MAN2A1: variants seen among roughly 807,000 people sequenced by gnomAD.
MAN2A1 encodes mannosidase alpha class 2A member 1.
MAN2A1 carries 76 observed loss-of-function variants against 142.6 expected under a neutral mutation model. The ratio of observed to expected loss-of-function variants is 0.53; its 90% CI spans 0.44 to 0.65. The LOEUF (loss-of-function observed/expected upper bound fraction) is 0.65. MAN2A1 is among the 30% of genes least tolerant of loss of function. MAN2A1 has a pLI of 0.00. For synonymous variants in MAN2A1, 559 were observed against 473.2 expected (o/e 1.18, Z -2.35); for missense variants, 1,311 against 1,365.1 (o/e 0.96, Z 0.62).
At chr5:109,784,982 A>C (rs1753559938) in intron 10 of MAN2A1, 56 bp downstream of exon 10, 1 of 1,297,438 alleles carries the variant, frequency 7.7e-7, no homozygotes, top group African/African-American at 1.5e-5. Flanking sequence ...TATGGGTAAT[A>C]AGATTATATC....
Position 109,823,748 on chromosome 5 carries a change from T to G in MAN2A1, c.2477T>G (p.Phe826Cys). ...AKPYVYTTPPFVRVTHGRIYS... is the reference protein window; with the variant it reads ...AKPYVYTTPPCVRVTHGRIYS... ...CCTTATGTTTACACAACACCGCCCT[T>G]TGTCAGAGTGACACATGGAAGGATT... Residue 826 changes from phenylalanine (F) to cysteine (C), a missense_variant, in exon 16 of 22, where the codon TTT becomes TGT. Phe to Cys is a radical substitution (Grantham distance 205). Coordinates refer to ENST00000261483, the MANE Select transcript of MAN2A1 (RefSeq NM_002372.4). The G allele has an allele frequency of 6.2e-7, 1 of 1,607,020 alleles. No homozygotes were observed. The highest frequency in any genetic ancestry group is 2.2e-5 in the East Asian group (1 of 44,592).
At chr5:109,726,083 C>G (rs1751736198) in intron 3 of MAN2A1, among the ~76,000 whole-genome samples, 4 of 152,058 alleles carry the variant, frequency 2.6e-5, no homozygotes, top group Admixed American at 2.6e-4. Flanking sequence ...ATTCTTAATG[C>G]TGTTCTAGCC....
In MAN2A1 at chr5:109,704,277, T is replaced by C. The variant is rs189799223; in HGVS notation, c.136-9243T>C. ...CATACCTAGGCAGGTGTGAGATTTA[T>C]GAAAAATGATTTGCCTGGGCAAAGA... On this transcript the variant is annotated intron_variant, in intron 1 of 21. Coordinates refer to ENST00000261483, the MANE Select transcript of MAN2A1 (RefSeq NM_002372.4). Among the ~76,000 whole-genome samples the C allele has an allele frequency of 4.8e-4, 73 of 152,322 alleles. 2 individuals carry two copies. Among genetic ancestry groups the C allele is most frequent in the Non-Finnish European group, 8.8e-5 (6 of 68,032 alleles).
intron 3 of MAN2A1, among the ~76,000 whole-genome samples, chr5:109,719,202 T>G (rs1751537077): frequency 1.3e-5 from 2 of 152,208 alleles, no homozygotes. Flanking sequence ...TATAGCTGAA[T>G]CTTTTTGTCT....
chr5:109,692,928 G>A (rs1013950793), intron 1 of MAN2A1, among the ~76,000 whole-genome samples: 1 of 152,078 alleles, frequency 6.6e-6, no homozygotes, highest in South Asian at 2.1e-4. Flanking sequence ...AATAAGGTTC[G>A]TGCTCCTATG....
At chr5:109,735,678 G>T (rs1032067792) in intron 4 of MAN2A1, among the ~76,000 whole-genome samples, 2 of 152,080 alleles carry the variant, frequency 1.3e-5, no homozygotes, top group East Asian at 3.9e-4. Context: ...CATCTTGGCT[G>T]CTCCCTGCAC....
intron 12 of MAN2A1, 141 bp from the exon 13 acceptor site, chr5:109,817,132 C>G (rs563087892): frequency 2.6e-6 from 2 of 767,670 alleles, no homozygotes; most frequent in Non-Finnish European, 4.1e-6. Context: ...CCCCACTGCA[C>G]TCCAGCCTGG....
chr5:109,772,103 T>A (rs1399035538), intron 7 of MAN2A1, among the ~76,000 whole-genome samples: 1 of 152,178 alleles, frequency 6.6e-6, no homozygotes, highest in African/African-American at 2.4e-5. Context: ...TTTTTCTTTT[T>A]AAACTTCTTG....
intron 4 of MAN2A1, among the ~76,000 whole-genome samples, chr5:109,744,644 C>T (rs972195056): frequency 6.6e-6 from 1 of 152,098 alleles, no homozygotes; most frequent in African/African-American, 2.4e-5. Context: ...TGTGTAGCAA[C>T]AGAAACTCAT....
intron 1 of MAN2A1, among the ~76,000 whole-genome samples, chr5:109,693,454 A>G (rs528854240): frequency 1.3e-5 from 2 of 151,782 alleles, no homozygotes; most frequent in African/African-American, 4.8e-5. Context: ...TTAGATAGGT[A>G]TTGGGTTCCT....
chr5:109,820,129 T>A (rs1198249580), intron 14 of MAN2A1, 91 bp from the exon 15 acceptor site: 2 of 1,162,668 alleles, frequency 1.7e-6, no homozygotes, highest in African/African-American at 3.1e-5. Context: ...ACAGAAATTA[T>A]TTTTTTAAAT....
chr5:109,775,579 T>G (rs971171494), intron 8 of MAN2A1, among the ~76,000 whole-genome samples: 1 of 152,058 alleles, frequency 6.6e-6, no homozygotes. Flanking sequence ...AGCTGCAGCA[T>G]TCTTCAACTC....
chr5:109,851,375 C>G (rs534041609), intron 19 of MAN2A1, among the ~76,000 whole-genome samples: 1 of 152,292 alleles, frequency 6.6e-6, no homozygotes, highest in South Asian at 2.1e-4. Context: ...ACTTGGCTAC[C>G]ATTGTGGTAA....
chr5:109,801,074 A>G (rs1293930389), intron 12 of MAN2A1, among the ~76,000 whole-genome samples: 2 of 152,186 alleles, frequency 1.3e-5, no homozygotes, highest in African/African-American at 4.8e-5. Flanking sequence ...ATTGCACTGA[A>G]CTGCATACAA....
At chr5:109,731,825 T>A (rs1391699438) in intron 4 of MAN2A1, among the ~76,000 whole-genome samples, 1 of 148,740 alleles carries the variant, frequency 6.7e-6, no homozygotes, top group Admixed American at 6.7e-5. Context: ...TAAACATACA[T>A]GTGCATGTGT....
chr5:109,811,566 T>C (rs1754318065), intron 12 of MAN2A1, among the ~76,000 whole-genome samples: 1 of 149,262 alleles, frequency 6.7e-6, no homozygotes, highest in Admixed American at 6.7e-5. Flanking sequence ...TTAATCTTCC[T>C]AACAGCCGTG....
chr5:109,702,349 G>GTGTGTGTGTC (rs1434044122), intron 1 of MAN2A1, among the ~76,000 whole-genome samples: 44 of 142,788 alleles, frequency 3.1e-4, no homozygotes, highest in African/African-American at 1.1e-3. Flanking sequence ...GTGTGTGTGT[G>GTGTGTGTGTC]TGTCTGTGTG....
chr5:109,696,107 C>CTT (rs755433787), intron 1 of MAN2A1, among the ~76,000 whole-genome samples: 1 of 145,788 alleles, frequency 6.9e-6, no homozygotes, highest in African/African-American at 2.5e-5. Flanking sequence ...TAGTATATAT[C>CTT]TTTTTTTTTT....
intron 4 of MAN2A1, among the ~76,000 whole-genome samples, chr5:109,734,813 G>A (rs1344062597): frequency 6.6e-6 from 1 of 152,142 alleles, no homozygotes; most frequent in East Asian, 1.9e-4. Context: ...TTTTGGAATA[G>A]GTGTGGTGCG....
Sources: gnomAD v4.1 joint callset for allele counts (sites outside exome capture counted in the v4.1 genomes callset) on GRCh38, gnomAD v4.1.1 for gene constraint, MANE v1.5 for transcripts, NCBI Gene and HGNC (gene_info 2026-07-23, HGNC 2026-07-21) for gene names.